The following PREX1 variants were observed in gnomAD, a reference collection of about 807,000 sequenced individuals.
The protein encoded by PREX1 is phosphatidylinositol-3,4,5-trisphosphate dependent Rac exchange factor 1, also known as phosphatidylinositol 3,4,5-trisphosphate-dependent Rac exchanger 1 protein.
In PREX1, 41 loss-of-function variants were observed where a neutral mutation model predicts 198.3. The ratio of observed to expected loss-of-function variants is 0.21; its 90% CI spans 0.16 to 0.27. The LOEUF is 0.27. Among genes scored for constraint, PREX1 ranks in the 10% least tolerant of loss-of-function variants. The pLI is 1.00. For synonymous variants in PREX1, 843 were observed against 887.2 expected, an observed-to-expected ratio of 0.95 and a Z score of 0.89; for missense variants, 1,620 against 2,200.7, an observed-to-expected ratio of 0.74 and a Z score of 5.28.
rs148125788 is a variant in PREX1 at position 48,790,417 on chromosome 20, T to A, written c.219+37225A>T. Among the ~76,000 whole-genome samples, 12 of 151,496 alleles carry A rather than the reference T, an allele frequency of 7.9e-5. No individual in the cohort carries two copies. The East Asian group carries it at 2.1e-3, about 27-fold the overall frequency. Reference sequence around the variant, plus strand: ...AACAGAGGAACAAAAGGCTCCACTCTCCCCAGGCTCCAAGGAAAAAGGAGG... The same window carrying A: ...AACAGAGGAACAAAAGGCTCCACTCACCCCAGGCTCCAAGGAAAAAGGAGG... On this transcript the variant is annotated intron_variant, in intron 1 of 39. Transcript: ENST00000371941.
intron 8 of PREX1, 43 bp downstream of exon 8, chr20:48,692,629 C>T: frequency 1.4e-6 from 2 of 1,463,716 alleles, no homozygotes; most frequent in Non-Finnish European, 1.9e-6. Flanking sequence ...AGGGAGCAGG[C>T]AGGGCTCAGG....
At chr20:48,765,917 G>A (rs1183469959) in intron 1 of PREX1, among the ~76,000 whole-genome samples, 3 of 152,126 alleles carry the variant, frequency 2.0e-5, no homozygotes, top group African/African-American at 7.2e-5. Context: ...ATGACCACCT[G>A]AGCTCCGCCT....
chr20:48,678,318 A>AT (rs2089723423), intron 13 of PREX1, among the ~76,000 whole-genome samples: 1 of 151,076 alleles, frequency 6.6e-6, no homozygotes, highest in Admixed American at 6.6e-5. Flanking sequence ...TCAAAAAAAA[A>AT]AAATTAGCTA....
At chr20:48,664,873 G>T (rs901706579) in intron 15 of PREX1, among the ~76,000 whole-genome samples, 1 of 138,688 alleles carries the variant, frequency 7.2e-6, no homozygotes, top group East Asian at 2.1e-4. Context: ...TTCTAATCCC[G>T]GCTCCAGACG....
At chr20:48,740,188 A>G (rs2090074698) in intron 3 of PREX1, among the ~76,000 whole-genome samples, 1 of 152,138 alleles carries the variant, frequency 6.6e-6, no homozygotes, top group Non-Finnish European at 1.5e-5. Flanking sequence ...AATGTTTCCA[A>G]GCAGGGAGTA....
At chr20:48,676,378 C>G (rs943068307) in intron 13 of PREX1, 110 bp from the exon 14 acceptor site, 1 of 997,554 alleles carries the variant, frequency 1.0e-6, no homozygotes. Context: ...TCTCCAGGCT[C>G]TCTAGGCATT....
chr20:48,887,807 G>A, the PREX1 span, among the ~76,000 whole-genome samples: 2 of 151,806 alleles, frequency 1.3e-5, no homozygotes, highest in South Asian at 2.1e-4. Context: ...AAAATTAGCC[G>A]GGCGTGGTGG....
At chr20:48,631,384 C>T (rs1280279725) in intron 35 of PREX1, among the ~76,000 whole-genome samples, 3 of 152,208 alleles carry the variant, frequency 2.0e-5, no homozygotes, top group Non-Finnish European at 2.9e-5. Flanking sequence ...AGAATATATG[C>T]TCCATGAAGA....
Position 48,741,991 on chromosome 20 carries a change from G to C in PREX1, c.414+3034C>G, listed in dbSNP as rs1007059562. ...AGGCAGGAACCTTTGGAGGGTGCTGGGAGAGGGGTTGAAGAGATCTGATTG... is the reference window on the plus strand; with the variant it reads ...AGGCAGGAACCTTTGGAGGGTGCTGCGAGAGGGGTTGAAGAGATCTGATTG... On this transcript the variant is annotated intron_variant, in intron 3 of 39. Transcript: ENST00000371941. Among the ~76,000 whole-genome samples the C allele has an allele frequency of 4.7e-4, 72 of 152,168 alleles. 1 individual carries two copies. Among genetic ancestry groups the C allele is most frequent in the Admixed American group, 4.5e-3 (69 of 15,276 alleles).
chr20:48,721,691 G>T (rs2089986704), intron 5 of PREX1, among the ~76,000 whole-genome samples: 2 of 152,220 alleles, frequency 1.3e-5, no homozygotes, highest in South Asian at 2.1e-4. Flanking sequence ...GGAGTGACAT[G>T]AACTGACTTC....
At chr20:48,730,236 T>C (rs2122712926) in intron 4 of PREX1, among the ~76,000 whole-genome samples, 1 of 133,432 alleles carries the variant, frequency 7.5e-6, no homozygotes, top group African/African-American at 2.9e-5. Context: ...ACCCAGATAC[T>C]AAAGGGGGGC....
At chr20:48,649,813 C>T (rs2089478851) in intron 24 of PREX1, among the ~76,000 whole-genome samples, 183 bp downstream of exon 24, 1 of 152,236 alleles carries the variant, frequency 6.6e-6, no homozygotes, top group African/African-American at 2.4e-5. Context: ...GGTACCCCAG[C>T]AGATATCATC....
intron 1 of PREX1, among the ~76,000 whole-genome samples, chr20:48,812,460 ATAAGAGGAATGGGTAAATAATG>A (rs2090440713): frequency 1.3e-5 from 2 of 151,664 alleles, no homozygotes; most frequent in Admixed American, 6.6e-5. Context: ...GGTAAAAAAT[ATAAGAGGAATGGGTAAATAATG>A]TAAGAGGAAT....
In PREX1 at chr20:48,708,287, C is replaced by T; in HGVS notation, c.756G>A (p.Gln252=). Residue 252 remains glutamine (Q), a synonymous_variant, in exon 6 of 40, where the codon CAG becomes CAA. Transcript: ENST00000371941. ...RQMEKLEALE[Q]LQSHIEGWEG... ...CCCAGCCTTCGATGTGGGACTGCAG[C>T]TGCTCCAGGGCTTCCAGCTTCTCCA... is the stretch of plus-strand genomic sequence containing the variant. The T allele has an allele frequency of 2.5e-6, 4 of 1,614,116 alleles. No homozygotes were observed. The highest frequency in any genetic ancestry group is 3.4e-6 in the Non-Finnish European group (4 of 1,180,024).
At chr20:48,810,114 A>G (rs1600529613) in intron 1 of PREX1, among the ~76,000 whole-genome samples, 2 of 152,238 alleles carry the variant, frequency 1.3e-5, no homozygotes, top group Non-Finnish European at 2.9e-5. Context: ...TCCTTTTAAC[A>G]GAGAAGAGTG....
At chr20:48,694,459 A>G (rs1237964962) in intron 7 of PREX1, among the ~76,000 whole-genome samples, 5 of 152,194 alleles carry the variant, frequency 3.3e-5, no homozygotes, top group Non-Finnish European at 7.3e-5. Context: ...CTCAACTTCT[A>G]ACATGGGGTT....
Position 48,795,246 on chromosome 20 carries a change from C to T in PREX1, c.219+32396G>A, listed in dbSNP as rs978374157. On this transcript the variant is annotated intron_variant, in intron 1 of 39. Transcript: ENST00000371941. ...GTTCTGCCACGTATTTGCTGTGTGA[C>T]CCAAGACAAATGACTCAACCCCTCT... 2.6e-5 allele frequency among the ~76,000 whole-genome samples: 4 copies of T among 152,180 alleles called. No homozygotes were observed. In the East Asian group the frequency reaches 7.7e-4, roughly 29 times the overall value.
At chr20:48,700,346 G>A (rs900886854) in intron 7 of PREX1, among the ~76,000 whole-genome samples, 8 of 152,076 alleles carry the variant, frequency 5.3e-5, no homozygotes, top group Non-Finnish European at 1.0e-4. Flanking sequence ...CACTCCAAAC[G>A]TACCCACGAC....
intron 4 of PREX1, among the ~76,000 whole-genome samples, chr20:48,728,724 C>T (rs1568841859): frequency 6.6e-6 from 1 of 152,130 alleles, no homozygotes; most frequent in Non-Finnish European, 1.5e-5. Flanking sequence ...TGAGAAGGGC[C>T]CATCTTTGTC....
Sources: allele counts gnomAD v4.1 joint callset (sites outside exome capture counted in the v4.1 genomes callset), GRCh38; gene constraint gnomAD v4.1.1; transcripts MANE v1.5; gene names NCBI Gene and HGNC (gene_info 2026-07-23, HGNC 2026-07-21).